The following PI4KB variants were observed in gnomAD, a reference collection of about 807,000 sequenced individuals.
PI4KB encodes PtdIns 4-kinase beta.
In PI4KB, 23 loss-of-function variants were observed where a neutral mutation model predicts 81.4. That is an observed-to-expected ratio of 0.28 (90% CI 0.20 to 0.40). The LOEUF is 0.40. Among genes scored for constraint, PI4KB ranks in the 10% least tolerant of loss-of-function variants. The pLI, the probability that PI4KB is intolerant of heterozygous loss-of-function variation, is 1.00. For missense variants in PI4KB, 651 were observed against 1,036.6 expected (o/e 0.63, Z 5.11); for synonymous variants, 381 against 406.8 (o/e 0.94, Z 0.76).
At chr1:151,315,488 C>T (rs1462567239) in intron 2 of PI4KB, 85 bp downstream of exon 2, 3 of 879,650 alleles carry the variant, frequency 3.4e-6, no homozygotes, top group South Asian at 1.3e-5. Flanking sequence ...GAAAGAACAG[C>T]GTAACCCTGT....
Position 151,307,628 on chromosome 1 carries a change from G to A in PI4KB, c.1128C>T (p.His376=), listed in dbSNP as rs771914388. The A allele has an allele frequency of 6.2e-7, 1 of 1,614,176 alleles. No individual in the cohort carries two copies. The highest frequency in any genetic ancestry group is 8.5e-7 in the Non-Finnish European group (1 of 1,180,020). Residue 376 remains histidine, a synonymous_variant, in exon 4 of 12, where the codon CAC becomes CAT. Coordinates refer to ENST00000368873, the MANE Select transcript of PI4KB (RefSeq NM_001369623.2). The stretch of plus-strand genomic sequence containing the variant: ...GTGTGTGGGGTACACGGACCACGTG[G>A]TGGTCAAAGCCAGCAGTGGGCAGCC... ...RVWLPTAGFD[H]HVVRVPHTQA...
At chr1:151,322,489 T>C (rs1192046233) in intron 1 of PI4KB, among the ~76,000 whole-genome samples, 3 of 152,192 alleles carry the variant, frequency 2.0e-5, no homozygotes, top group Admixed American at 2.0e-4. Context: ...TAGGACAGAA[T>C]GGTAAAGAGC....
chr1:151,306,296 C>G lies in PI4KB; in HGVS notation c.1250G>C (p.Arg417Pro). 1 of 1,614,132 alleles carries G rather than the reference C, an allele frequency of 6.2e-7. No homozygotes were observed. The highest frequency in any genetic ancestry group is 8.5e-7 in the Non-Finnish European group (1 of 1,180,020). ...ACTCCGAATTCGGTTCTCGGGGATCCGGGCAGGGACACTGGTGGTGTCAAA... is the reference window on the plus strand; with the variant it reads ...ACTCCGAATTCGGTTCTCGGGGATCGGGGCAGGGACACTGGTGGTGTCAAA... The part of the protein sequence containing the change: ...ENFDTTSVPA[R>P]IPENRIRSTR... Residue 417 changes from arginine to proline, a missense_variant, in exon 5 of 12, where the codon CGG becomes CCG. Physicochemically the swap from Arg to Pro is moderately radical, Grantham distance 103. Transcript: ENST00000368873.
In PI4KB at chr1:151,295,045, G is replaced by C. The variant is rs1780584; in HGVS notation, c.2016-504C>G. On this transcript the variant is annotated intron_variant, in intron 9 of 11. Transcript: ENST00000368873. ...ACAACAGAAGCAAGCAGGCTGAGTG[G>C]AGCTGAAATGTAAAATAGCGTGGGG... 4.8e-3 allele frequency among the ~76,000 whole-genome samples: 737 copies of C among 152,350 alleles called. 5 individuals carry two copies. Among genetic ancestry groups the C allele is most frequent in the Non-Finnish European group, 7.5e-3 (512 of 68,032 alleles).
At chr1:151,302,824 C>T (rs933786733) in intron 6 of PI4KB, among the ~76,000 whole-genome samples, 2 of 151,268 alleles carry the variant, frequency 1.3e-5, no homozygotes, top group Non-Finnish European at 2.9e-5. Flanking sequence ...ACCTTATGAT[C>T]TACCCGCCTC....
chr1:151,323,014 ATCTGACGT>A (rs1157005069), intron 1 of PI4KB, among the ~76,000 whole-genome samples: 3 of 152,216 alleles, frequency 2.0e-5, no homozygotes, highest in African/African-American at 7.2e-5. Context: ...GGAAACCAAT[ATCTGACGT>A]TCATTCTACA....
intron 1 of PI4KB, among the ~76,000 whole-genome samples, chr1:151,324,548 G>A (rs1430481415): frequency 6.6e-6 from 1 of 152,152 alleles, no homozygotes; most frequent in East Asian, 1.9e-4. Context: ...GGCATTAGGG[G>A]AGAGGGCATT....
chr1:151,298,551 C>T (rs1393548513), intron 9 of PI4KB: 1 of 504,806 alleles, frequency 2.0e-6, no homozygotes, highest in East Asian at 3.4e-5. Context: ...ATCATTTTCC[C>T]TTGTCCTTGA....
chr1:151,293,268 C>A (rs765256399), intron 11 of PI4KB: 71 of 1,409,318 alleles, frequency 5.0e-5, no homozygotes, highest in Non-Finnish European at 6.1e-5. Context: ...AGGAAGGGGA[C>A]CAACACCACA....
At chr1:151,324,725 A>C (rs1267854060) in intron 1 of PI4KB, 9 of 984,370 alleles carry the variant, frequency 9.1e-6, no homozygotes, top group Non-Finnish European at 9.6e-6. Flanking sequence ...GATGGCAAAG[A>C]AAGCAGCCTG....
intron 3 of PI4KB, among the ~76,000 whole-genome samples, chr1:151,308,874 G>A (rs1477878494): frequency 6.6e-6 from 1 of 152,158 alleles, no homozygotes; most frequent in African/African-American, 2.4e-5. Flanking sequence ...CTTAGTTTCT[G>A]GATTGAGAGA....
chr1:151,296,026 A>G (rs1442644459), intron 9 of PI4KB, among the ~76,000 whole-genome samples: 10 of 152,204 alleles, frequency 6.6e-5, no homozygotes, highest in Non-Finnish European at 1.3e-4. Flanking sequence ...CAGGAGGATC[A>G]CCTGAGGTCA....
chr1:151,313,252 G>A (rs962139686), intron 2 of PI4KB, among the ~76,000 whole-genome samples: 1 of 152,120 alleles, frequency 6.6e-6, no homozygotes, highest in Admixed American at 6.5e-5. Context: ...AGGAGTGCCT[G>A]GGAACATAGT....
chr1:151,326,132 A>T, intron 1 of PI4KB: 1 of 1,601,014 alleles, frequency 6.2e-7, no homozygotes, highest in East Asian at 2.2e-5. Flanking sequence ...TTCCTTTAAC[A>T]AAAGCCTAAA....
In PI4KB at chr1:151,311,109, G is replaced by A. The variant is rs587595527; in HGVS notation, c.910-854C>T. ...CCCCATTGCTGTGTCATATGTGTCC[G>A]TGTGCAAAAACAGGGGAAAGAGATG... On this transcript the variant is annotated intron_variant, in intron 2 of 11. Transcript: ENST00000368873. Among the ~76,000 whole-genome samples the A allele has an allele frequency of 1.1e-3, 166 of 152,248 alleles. 1 individual carries two copies. The highest frequency in any genetic ancestry group is 3.7e-3 in the African/African-American group (153 of 41,550).
chr1:151,313,325 T>A (rs1040801709), intron 2 of PI4KB, among the ~76,000 whole-genome samples: 4 of 152,126 alleles, frequency 2.6e-5, no homozygotes, highest in African/African-American at 9.7e-5. Context: ...GAACGGCAGC[T>A]ACAGAACCCA....
chr1:151,321,176 AG>A (rs1352970659), intron 1 of PI4KB, among the ~76,000 whole-genome samples: 1 of 152,148 alleles, frequency 6.6e-6, no homozygotes, highest in Non-Finnish European at 1.5e-5. Flanking sequence ...GGAGCTAGAC[AG>A]TGTTGAGAGG....
chr1:151,320,017 G>A (rs776006102), intron 1 of PI4KB, among the ~76,000 whole-genome samples: 4 of 152,106 alleles, frequency 2.6e-5, no homozygotes, highest in South Asian at 4.1e-4. Flanking sequence ...GTTCTTGTAC[G>A]TCTGAAATGT....
At chr1:151,315,396 A>C (rs587764464) in intron 2 of PI4KB, among the ~76,000 whole-genome samples, 177 bp downstream of exon 2, 2 of 152,336 alleles carry the variant, frequency 1.3e-5, no homozygotes, top group South Asian at 4.1e-4. Context: ...TTGTAAACTA[A>C]GGCAGGCAAA....
Sources: gnomAD v4.1 joint callset for allele counts (sites outside exome capture counted in the v4.1 genomes callset) on GRCh38, gnomAD v4.1.1 for gene constraint, MANE v1.5 for transcripts, NCBI Gene and HGNC (gene_info 2026-07-23, HGNC 2026-07-21) for gene names.